Variants in NBAS observed in about 807,000 individuals in gnomAD.
NBAS encodes NBAS subunit of NRZ tethering complex, also known as NAG/BC035112 fusion.
A neutral mutation model predicts 302.5 loss-of-function variants in NBAS; 219 were observed. The ratio of observed to expected loss-of-function variants is 0.72; its 90% confidence interval spans 0.65 to 0.81. The LOEUF is 0.81. Among genes scored for constraint, NBAS ranks in the 30% least tolerant of loss-of-function variants. NBAS has a pLI of 0.00. For missense variants in NBAS, 2,932 were observed against 2,841.6 expected (o/e 1.03, Z -0.72); for synonymous variants, 1,118 against 1,021.6 (o/e 1.09, Z -1.80).
At position 15,305,914 on chromosome 2, in the gene NBAS, A is replaced by T. The variant is rs540758614; in HGVS notation, c.4797+2302T>A. Among the ~76,000 whole-genome samples, 4 of 152,370 alleles carry T rather than the reference A, an allele frequency of 2.6e-5. No homozygotes were observed. The South Asian group carries it at 8.3e-4, about 32-fold the overall frequency. On this transcript the variant is annotated intron_variant, in intron 40 of 51. Coordinates refer to ENST00000281513, the MANE Select transcript of NBAS (RefSeq NM_015909.4). ...AATTTCAGCACCAGCAACCCAGTTC[A>T]ATGACATCCACTTAGAGACCTCAGT...
chr2:15,553,886 CTCTCTCTTT>C (rs1664514199), intron 4 of NBAS, among the ~76,000 whole-genome samples, 166 bp downstream of exon 4: 1 of 146,306 alleles, frequency 6.8e-6, no homozygotes, highest in Non-Finnish European at 1.5e-5. Flanking sequence ...CTCTCTCCCT[CTCTCTCTTT>C]CCCTCTCTCT....
At chr2:14,992,311 G>C in the NBAS span, among the ~76,000 whole-genome samples, 1 of 152,120 alleles carries the variant, frequency 6.6e-6, no homozygotes, top group Non-Finnish European at 1.5e-5. Flanking sequence ...TGTTCAGCTA[G>C]GTGCCCAAGT....
At chr2:15,028,263 G>A in the NBAS span, among the ~76,000 whole-genome samples, 33 of 152,206 alleles carry the variant, frequency 2.2e-4, no homozygotes, top group Non-Finnish European at 3.7e-4. Context: ...AATAAGAATC[G>A]TCTGGGTAAG....
chr2:14,965,672 C>G, the NBAS span, among the ~76,000 whole-genome samples: 1 of 152,034 alleles, frequency 6.6e-6, no homozygotes, highest in East Asian at 1.9e-4. Flanking sequence ...CCAATTCATT[C>G]TGTGAGTCTA....
the NBAS span, among the ~76,000 whole-genome samples, chr2:14,900,408 A>AT: frequency 6.6e-6 from 1 of 152,270 alleles, no homozygotes; most frequent in South Asian, 2.1e-4. Flanking sequence ...GGAAACTGAG[A>AT]TTTTTACCAC....
the NBAS span, among the ~76,000 whole-genome samples, chr2:15,071,347 C>T: frequency 5.3e-5 from 8 of 152,272 alleles, no homozygotes; most frequent in South Asian, 1.0e-3. Context: ...ACAAAGGGGC[C>T]GGGCGCGGTG....
At chr2:15,306,293 CA>C (rs924104569) in intron 40 of NBAS, among the ~76,000 whole-genome samples, 8 of 152,146 alleles carry the variant, frequency 5.3e-5, no homozygotes, top group South Asian at 2.1e-4. Flanking sequence ...TACCAAAGAA[CA>C]AAAAACACCA....
the NBAS span, among the ~76,000 whole-genome samples, chr2:15,109,464 TG>T: frequency 3.9e-5 from 6 of 152,166 alleles, no homozygotes; most frequent in Non-Finnish European, 1.5e-5. Flanking sequence ...AAAAGTGCTA[TG>T]GAACTATGGG....
chr2:14,821,007 G>A, the NBAS span, among the ~76,000 whole-genome samples: 3 of 151,346 alleles, frequency 2.0e-5, no homozygotes, highest in Non-Finnish European at 4.4e-5. Context: ...TTGGCTCACC[G>A]CAAGCTCCGC....
chr2:15,546,752 T>C (rs952397754), intron 6 of NBAS, among the ~76,000 whole-genome samples: 5 of 152,204 alleles, frequency 3.3e-5, no homozygotes, highest in African/African-American at 1.2e-4. Context: ...AAAACAAGTC[T>C]GGGTGTTTCA....
intron 38 of NBAS, among the ~76,000 whole-genome samples, chr2:15,313,865 C>T (rs1056034108): frequency 2.0e-5 from 3 of 152,152 alleles, no homozygotes; most frequent in African/African-American, 7.2e-5. Flanking sequence ...AGAATTAATC[C>T]TAAGCAAAAG....
At chr2:14,982,338 C>T in the NBAS span, among the ~76,000 whole-genome samples, 8 of 152,264 alleles carry the variant, frequency 5.3e-5, no homozygotes, top group East Asian at 9.7e-4. Context: ...AGTTAACCCA[C>T]GGAATGGTGG....
chr2:15,386,031 T>C (rs547637896), intron 28 of NBAS, among the ~76,000 whole-genome samples: 5 of 152,204 alleles, frequency 3.3e-5, no homozygotes, highest in Non-Finnish European at 5.9e-5. Flanking sequence ...TCTTAAGGCA[T>C]TTAAATAGTC....
chr2:15,451,831 CA>C (rs1454652379), intron 21 of NBAS, among the ~76,000 whole-genome samples: 1 of 151,836 alleles, frequency 6.6e-6, no homozygotes, highest in Non-Finnish European at 1.5e-5. Flanking sequence ...GGGATTCAGG[CA>C]AAAATAGTGA....
chr2:14,801,032 T>C, the NBAS span, among the ~76,000 whole-genome samples: 2 of 152,292 alleles, frequency 1.3e-5, no homozygotes, highest in African/African-American at 4.8e-5. Context: ...AATTCTATGC[T>C]GACAATTTTT....
chr2:14,978,182 C>G, the NBAS span, among the ~76,000 whole-genome samples: 2 of 152,164 alleles, frequency 1.3e-5, no homozygotes, highest in African/African-American at 4.8e-5. Flanking sequence ...TAGTGATCAT[C>G]TCCTCTGTGC....
intron 19 of NBAS, among the ~76,000 whole-genome samples, chr2:15,465,260 C>T (rs1442541531): frequency 1.3e-5 from 2 of 152,122 alleles, no homozygotes; most frequent in Non-Finnish European, 1.5e-5. Context: ...TTCTAATGTC[C>T]CCCTTATGGT....
chr2:15,067,159 C>CAA, the NBAS span, among the ~76,000 whole-genome samples: 130 of 93,304 alleles, frequency 1.4e-3, 4 homozygotes, highest in African/African-American at 4.1e-3. Context: ...CTTATCTCCA[C>CAA]AAAAAAAAAA....
the NBAS span, among the ~76,000 whole-genome samples, chr2:15,099,783 A>G: frequency 1.3e-5 from 2 of 152,102 alleles, no homozygotes; most frequent in Non-Finnish European, 2.9e-5. Context: ...CAAAGCATCC[A>G]GCATAAGGGA....
Sources: allele counts gnomAD v4.1 joint callset (sites outside exome capture counted in the v4.1 genomes callset), GRCh38; gene constraint gnomAD v4.1.1; transcripts MANE v1.5; gene names NCBI Gene and HGNC (gene_info 2026-07-23, HGNC 2026-07-21).